KPNA3: variants seen among roughly 807,000 people sequenced by gnomAD.
The protein encoded by KPNA3 is karyopherin subunit alpha 3.
Under a neutral mutation model 73.8 loss-of-function variants are expected in KPNA3, and 13 were observed. That is an observed-to-expected ratio of 0.18 (90% CI 0.11 to 0.28). The LOEUF is 0.28. Among genes scored for constraint, KPNA3 ranks in the 10% least tolerant of loss-of-function variants. KPNA3 has a pLI of 1.00. For missense variants in KPNA3, 360 were observed against 618.1 expected, an observed-to-expected ratio of 0.58 and a Z score of 4.43; for synonymous variants, 186 against 206.9, an observed-to-expected ratio of 0.90 and a Z score of 0.87.
chr13:49,715,288 T>C (rs895001176), intron 10 of KPNA3, among the ~76,000 whole-genome samples: 8 of 152,084 alleles, frequency 5.3e-5, no homozygotes, highest in African/African-American at 1.9e-4. Context: ...ATCCTTAATA[T>C]ATAAAGAACT....
At chr13:49,717,925 T>G (rs1389376507) in intron 10 of KPNA3, among the ~76,000 whole-genome samples, 49 of 152,232 alleles carry the variant, frequency 3.2e-4, no homozygotes, top group Admixed American at 3.2e-3. Flanking sequence ...CTTTGGTCAC[T>G]GCTCTATCTT....
At chr13:49,738,181 A>C (rs1233615416) in intron 2 of KPNA3, among the ~76,000 whole-genome samples, 1 of 152,196 alleles carries the variant, frequency 6.6e-6, no homozygotes, top group African/African-American at 2.4e-5. Context: ...GTATTTGTGC[A>C]GGTGTATTTC....
intron 1 of KPNA3, among the ~76,000 whole-genome samples, chr13:49,771,110 T>C (rs1232363270): frequency 1.6e-5 from 2 of 124,600 alleles, no homozygotes; most frequent in Admixed American, 1.8e-4. Flanking sequence ...AATCAACTTG[T>C]TGATATTTCA....
chr13:49,713,573 A>C (rs1489951859), intron 10 of KPNA3, among the ~76,000 whole-genome samples: 3 of 151,166 alleles, frequency 2.0e-5, no homozygotes, highest in African/African-American at 7.3e-5. Flanking sequence ...ATAAAATGAA[A>C]ACCAAAAAGG....
At chr13:49,758,613 C>T (rs1311973184) in intron 1 of KPNA3, among the ~76,000 whole-genome samples, 4 of 151,962 alleles carry the variant, frequency 2.6e-5, no homozygotes, top group Non-Finnish European at 5.9e-5. Flanking sequence ...AGGAGAAAGA[C>T]GGATATATGA....
chr13:49,761,483 T>C (rs957958563), intron 1 of KPNA3, among the ~76,000 whole-genome samples: 88 of 150,492 alleles, frequency 5.8e-4, no homozygotes, highest in African/African-American at 1.7e-3. Context: ...GCGAGTGATC[T>C]GCCAGCCTCG....
chr13:49,783,114 A>G (rs986622032), intron 1 of KPNA3, among the ~76,000 whole-genome samples: 1 of 152,154 alleles, frequency 6.6e-6, no homozygotes, highest in Admixed American at 6.5e-5. Context: ...CACTTATGTA[A>G]AAGCAAAACC....
At chr13:49,709,208 C>T (rs1594429655) in intron 12 of KPNA3, among the ~76,000 whole-genome samples, 2 of 152,144 alleles carry the variant, frequency 1.3e-5, no homozygotes, top group Middle Eastern at 3.4e-3. Flanking sequence ...CGAGACCAGC[C>T]TGGCCAATAT....
intron 6 of KPNA3, among the ~76,000 whole-genome samples, chr13:49,727,610 G>A (rs1245316008): frequency 2.0e-5 from 3 of 151,616 alleles, no homozygotes; most frequent in African/African-American, 7.3e-5. Flanking sequence ...AACTATGAGG[G>A]GACTTTAAAA....
rs55725741 is a variant in KPNA3, at chr13:49,730,519, C to CAAAAAAAAAAAAAAAAAAAAAAAAAAA, written c.383+1825_383+1851dup. 1.1e-4 allele frequency among the ~76,000 whole-genome samples: 3 copies of CAAAAAAAAAAAAAAAAAAAAAAAAAAA among 27,294 alleles called. 1 individual carries two copies. Among genetic ancestry groups the CAAAAAAAAAAAAAAAAAAAAAAAAAAA allele is most frequent in the Non-Finnish European group, 1.9e-4 (3 of 15,770 alleles). 17.9% of individuals were successfully genotyped at this position (27,294 alleles called of 152,430 possible). A position where few individuals can be genotyped will look rare whatever the true frequency, so the allele number is the denominator to read the frequency against. ...TGGGCAACAGAGCGAGACTCTGTCT[C>CAAAAAAAAAAAAAAAAAAAAAAAAAAA]AAAAAAAAAAAAAAAAAAAAAAAAA... On this transcript the variant is annotated intron_variant, in intron 6 of 16. Transcript: ENST00000261667.
chr13:49,762,680 A>C (rs1954777360), intron 1 of KPNA3, among the ~76,000 whole-genome samples: 1 of 151,972 alleles, frequency 6.6e-6, no homozygotes, highest in African/African-American at 2.4e-5. Context: ...GCTCGTTAAG[A>C]GTCATCACCA....
intron 16 of KPNA3, 138 bp from the exon 17 acceptor site, chr13:49,702,036 A>C (rs75361560): frequency 3.3e-6 from 2 of 598,382 alleles, no homozygotes; most frequent in Admixed American, 6.7e-5. Context: ...GTAAATCAAT[A>C]ATTTTATTAA....
At chr13:49,724,745 C>A (rs1161164728) in intron 7 of KPNA3, among the ~76,000 whole-genome samples, 1 of 152,142 alleles carries the variant, frequency 6.6e-6, no homozygotes, top group Non-Finnish European at 1.5e-5. Context: ...TATAGGCATG[C>A]GCCACCATGC....
intron 1 of KPNA3, among the ~76,000 whole-genome samples, chr13:49,756,383 T>G (rs1463148693): frequency 6.6e-6 from 1 of 152,154 alleles, no homozygotes; most frequent in African/African-American, 2.4e-5. Flanking sequence ...ATAGCGAGAC[T>G]CAGCTTCTAC....
intron 2 of KPNA3, among the ~76,000 whole-genome samples, chr13:49,746,664 A>G (rs1594447956): frequency 6.6e-6 from 1 of 152,234 alleles, no homozygotes; most frequent in Non-Finnish European, 1.5e-5. Flanking sequence ...TAACTTTTAC[A>G]TAAGCAAAGG....
At chr13:49,756,477 T>G (rs1322588338) in intron 1 of KPNA3, among the ~76,000 whole-genome samples, 1 of 151,964 alleles carries the variant, frequency 6.6e-6, no homozygotes, top group Non-Finnish European at 1.5e-5. Context: ...GGACCGCTTG[T>G]GTCCAGGAGT....
At chr13:49,752,579 G>A (rs1386045807) in intron 1 of KPNA3, among the ~76,000 whole-genome samples, 8 of 151,998 alleles carry the variant, frequency 5.3e-5, no homozygotes, top group African/African-American at 1.9e-4. Context: ...TCAGAAATGA[G>A]GTCCTAGCAA....
intron 1 of KPNA3, among the ~76,000 whole-genome samples, chr13:49,779,962 A>T (rs7989757): frequency 0.017 from 2,608 of 152,148 alleles, 61 homozygotes; most frequent in African/African-American, 0.059. Context: ...GTTCTTATAC[A>T]CCATTTTCCT....
chr13:49,704,430 ATAAAAAATAAAT>A (rs1954183134), intron 15 of KPNA3, among the ~76,000 whole-genome samples: 1 of 84,012 alleles, frequency 1.2e-5, no homozygotes, highest in East Asian at 3.0e-4. Flanking sequence ...AAATAAATAA[ATAAAAAATAAAT>A]AAATAAATAA....
Sources: allele counts gnomAD v4.1 joint callset (sites outside exome capture counted in the v4.1 genomes callset), GRCh38; gene constraint gnomAD v4.1.1; transcripts MANE v1.5; gene names NCBI Gene and HGNC (gene_info 2026-07-23, HGNC 2026-07-21).